SAFB: variants seen among roughly 807,000 people sequenced by gnomAD.
SAFB encodes the protein scaffold attachment factor B.
In SAFB, 15 loss-of-function variants were observed where a neutral mutation model predicts 101.6. The observed-to-expected ratio is 0.15, with a 90% CI of 0.10 to 0.23. The LOEUF is 0.23. SAFB is among the 10% of genes least tolerant of loss of function. The pLI is 1.00. For missense variants in SAFB, 930 were observed against 1,104.1 expected (o/e 0.84, Z 2.23); for synonymous variants, 449 against 407.5 (o/e 1.10, Z -1.23).
At chr19:5,651,458 A>G (rs2053936504) in intron 9 of SAFB, among the ~76,000 whole-genome samples, 1 of 152,192 alleles carries the variant, frequency 6.6e-6, no homozygotes, top group African/African-American at 2.4e-5. Context: ...AACTCAGAAC[A>G]GGGACCCTGG....
chr19:5,624,817 A>C (rs986486524), intron 1 of SAFB, among the ~76,000 whole-genome samples: 3 of 151,776 alleles, frequency 2.0e-5, no homozygotes, highest in Non-Finnish European at 4.4e-5. Flanking sequence ...CTCTTTACTC[A>C]GATAAGGCAG....
chr19:5,644,881 T>C (rs2053794549), intron 4 of SAFB, among the ~76,000 whole-genome samples: 1 of 152,200 alleles, frequency 6.6e-6, no homozygotes, highest in South Asian at 2.1e-4. Flanking sequence ...TGCTGTTCCA[T>C]TGAGGGAGGT....
chr19:5,648,711 C>T (rs571523098), intron 6 of SAFB: 8 of 573,730 alleles, frequency 1.4e-5, no homozygotes, highest in East Asian at 6.6e-5. Flanking sequence ...ATCTAAACGA[C>T]GACAGAATGA....
chr19:5,639,088 A>C lies in SAFB; in HGVS notation c.275-2506A>C, dbSNP rs372831010. On this transcript the variant is annotated intron_variant, in intron 2 of 20. Transcript: ENST00000588852. ...TATCTAAAACTGGAACAAAAATAAC[A>C]GATCAGTGGAAGAGAATGGAAACAA... is the stretch of plus-strand genomic sequence containing the variant. Among the ~76,000 whole-genome samples the C allele has an allele frequency of 6.1e-4, 93 of 152,374 alleles. 1 individual carries two copies. Among genetic ancestry groups the C allele is most frequent in the African/African-American group, 2.2e-3 (90 of 41,578 alleles).
intron 15 of SAFB, among the ~76,000 whole-genome samples, chr19:5,662,327 G>A (rs1395664524): frequency 2.6e-5 from 4 of 151,990 alleles, no homozygotes; most frequent in African/African-American, 7.2e-5. Context: ...GCAGAACCCC[G>A]TCTCTACTAA....
chr19:5,642,076 GT>G (rs1196072987), intron 4 of SAFB, 130 bp downstream of exon 4: 1 of 773,302 alleles, frequency 1.3e-6, no homozygotes, highest in Non-Finnish European at 2.2e-6. Flanking sequence ...GGGTCAGTTG[GT>G]TCAGATGATT....
intron 13 of SAFB, among the ~76,000 whole-genome samples, chr19:5,656,102 G>T (rs907452312): frequency 6.6e-6 from 1 of 152,096 alleles, no homozygotes; most frequent in African/African-American, 2.4e-5. Flanking sequence ...TAAGCAAAAT[G>T]TAAGGCTTGT....
At chr19:5,633,669 C>G (rs1054023396) in intron 2 of SAFB, among the ~76,000 whole-genome samples, 1 of 152,008 alleles carries the variant, frequency 6.6e-6, no homozygotes, top group African/African-American at 2.4e-5. Context: ...GTCCCAGCTA[C>G]TCGGGAGGCT....
In SAFB at chr19:5,661,689, C is replaced by T. The variant is rs1346620807; in HGVS notation, c.2034C>T (p.His678=). Residue 678 remains histidine (H), a synonymous_variant, in exon 15 of 21, where the codon CAC becomes CAT. Coordinates refer to ENST00000588852, the MANE Select transcript of SAFB (RefSeq NM_001201338.2). ...AGCGCGAACGCATGCACGTGGAGCA[C>T]GAGCGCAGGCGCGAGCAGGAGCGCA... ...RLERERMHVE[H]ERRREQERIH... is the part of the protein sequence containing the mutation. 6.2e-6 allele frequency: 10 copies of T among 1,608,052 alleles called. No homozygotes were observed. The African/African-American group carries it at 6.7e-5, about 11-fold the overall frequency.
intron 16 of SAFB, 72 bp from the exon 17 acceptor site, chr19:5,664,325 G>A: frequency 6.8e-7 from 1 of 1,469,788 alleles, no homozygotes; most frequent in Non-Finnish European, 9.5e-7. Context: ...TTTTCATTGG[G>A]GGCCTGATGG....
At chr19:5,636,422 C>T (rs548309833) in intron 2 of SAFB, among the ~76,000 whole-genome samples, 8 of 152,078 alleles carry the variant, frequency 5.3e-5, no homozygotes, top group African/African-American at 1.4e-4. Context: ...GTTTTTTAGA[C>T]CTCGAGGCAT....
chr19:5,668,389 C>A lies in SAFB; in HGVS notation c.*98C>A. The A allele has an allele frequency of 7.6e-7, 1 of 1,314,194 alleles. No individual in the cohort carries two copies. The highest frequency in any genetic ancestry group is 1.0e-6 in the Non-Finnish European group (1 of 974,098). 81.4% of individuals were successfully genotyped at this position (1,314,194 alleles called of 1,614,324 possible). A position where few individuals can be genotyped will look rare whatever the true frequency, so the allele number is the denominator to read the frequency against. On this transcript the variant is annotated 3_prime_UTR_variant, in exon 21 of 21. Coordinates refer to ENST00000588852, the MANE Select transcript of SAFB (RefSeq NM_001201338.2). Reference sequence around the variant, plus strand: ...AAAATATTTTTTTTTAATCTGCTGCCATATTGTAGCTCAATACAATGTGAA... The same window carrying A: ...AAAATATTTTTTTTTAATCTGCTGCAATATTGTAGCTCAATACAATGTGAA...
chr19:5,623,633 G>A lies in SAFB; in HGVS notation c.189+239G>A, dbSNP rs1898448081. ...GAACCACAAAAACGGCACGCGTGCAGGAGAAACGGTGACGGGTGACATCGT... is the reference window on the plus strand; with the variant it reads ...GAACCACAAAAACGGCACGCGTGCAAGAGAAACGGTGACGGGTGACATCGT... On this transcript the variant is annotated intron_variant, in intron 1 of 20. Transcript: ENST00000588852. Among the ~76,000 whole-genome samples, 3 of 152,312 alleles carry A rather than the reference G, an allele frequency of 2.0e-5. 1 individual carries two copies. The South Asian group carries it at 6.2e-4, about 32-fold the overall frequency.
chr19:5,630,898 A>G (rs1007958416), intron 2 of SAFB, among the ~76,000 whole-genome samples: 3 of 152,214 alleles, frequency 2.0e-5, no homozygotes, highest in African/African-American at 7.2e-5. Flanking sequence ...GGATGAAAAC[A>G]TGAAACATTT....
Position 5,667,874 on chromosome 19 carries a change from G to A in SAFB, c.2612G>A (p.Gly871Glu). The change falls in exon 20 of 21, where the codon GGA becomes GAA. Residue 871 changes from glycine to glutamate, a missense_variant. Coordinates refer to ENST00000588852, the MANE Select transcript of SAFB (RefSeq NM_001201338.2). The surrounding 1 kb of genome is among the most constrained non-coding windows in gnomAD (Gnocchi z 4.0). ...GGGCCTGGCCACATGATGAACCGAG[G>A]AGGAATGTCAGGGTAAGGCATGCTG... Reference protein sequence around the residue: ...HSGPGHMMNRGGMSGRGSFAP... With the variant: ...HSGPGHMMNREGMSGRGSFAP... 6.2e-7 allele frequency: 1 copy of A among 1,609,400 alleles called. No homozygotes were observed. Among genetic ancestry groups the A allele is most frequent in the Non-Finnish European group, 8.5e-7 (1 of 1,177,826 alleles).
chr19:5,668,251 G>A lies in SAFB; in HGVS notation c.2714G>A (p.Gly905Glu), dbSNP rs759031525. Residue 905 changes from glycine (G) to glutamate (E), a missense_variant, in exon 21 of 21, where the codon GGG (glycine) becomes GAG (glutamate). Around this residue, in one of 7 missense-constraint regions of SAFB, gnomAD observed 318 missense variants for 342.6 expected, o/e 0.93. Coordinates refer to ENST00000588852, the MANE Select transcript of SAFB (RefSeq NM_001201338.2). ...MQGGFGGQSR[G>E]SRPSDARFTR... ...GGCGGGTTTGGAGGCCAGAGCCGGG[G>A]GAGCAGGCCCAGCGATGCCCGCTTC... 7 of 1,611,778 alleles carry A rather than the reference G, an allele frequency of 4.3e-6. No individual in the cohort carries two copies. In the African/African-American group the frequency reaches 9.4e-5, roughly 22 times the overall value.
intron 2 of SAFB, among the ~76,000 whole-genome samples, chr19:5,629,046 C>G (rs1450235568): frequency 6.6e-6 from 1 of 152,158 alleles, no homozygotes; most frequent in African/African-American, 2.4e-5. Flanking sequence ...GTGCTTTCAC[C>G]TCAGCCCCAC....
At chr19:5,647,491 G>A (rs1288397320) in intron 5 of SAFB, among the ~76,000 whole-genome samples, 1 of 152,196 alleles carries the variant, frequency 6.6e-6, no homozygotes, top group African/African-American at 2.4e-5. Flanking sequence ...AACTGGCCTG[G>A]TGGGAACACT....
intron 14 of SAFB, among the ~76,000 whole-genome samples, chr19:5,661,275 A>G (rs1352250554): frequency 6.6e-6 from 1 of 152,090 alleles, no homozygotes; most frequent in African/African-American, 2.4e-5. Flanking sequence ...GCTCCAGGAA[A>G]TGTTGGAGAA....
Sources: gnomAD v4.1 joint callset for allele counts (sites outside exome capture counted in the v4.1 genomes callset) on GRCh38, gnomAD v4.1.1 for gene constraint, gnomAD v4.1.1 regional missense constraint, Gnocchi (gnomAD v3.1) non-coding constraint, MANE v1.5 for transcripts, NCBI Gene and HGNC (gene_info 2026-07-23, HGNC 2026-07-21) for gene names.